FHIT: variants seen among roughly 807,000 people sequenced by gnomAD.
FHIT encodes the protein bis(5'-adenosyl)-triphosphatase.
A neutral mutation model predicts 17.9 loss-of-function variants in FHIT; 19 were observed. The observed-to-expected ratio is 1.06, with a 90% CI of 0.74 to 1.56. The LOEUF is 1.56. Among genes scored for constraint, FHIT ranks in the 40% most tolerant of loss-of-function variants. The pLI is 0.00. For missense variants in FHIT, 248 were observed against 189.2 expected (o/e 1.31, Z -1.82); for synonymous variants, 81 against 69.7 (o/e 1.16, Z -0.81).
intron 5 of FHIT, among the ~76,000 whole-genome samples, chr3:60,482,331 C>A (rs1167168507): frequency 6.6e-6 from 1 of 152,104 alleles, no homozygotes; most frequent in Non-Finnish European, 1.5e-5. Flanking sequence ...ATCAAGCGGA[C>A]CTAATAGACA....
At chr3:60,700,366 G>A (rs1031145519) in intron 4 of FHIT, among the ~76,000 whole-genome samples, 2 of 152,008 alleles carry the variant, frequency 1.3e-5, no homozygotes, top group East Asian at 1.9e-4. Flanking sequence ...GTCTCATATC[G>A]TTCCAATTAG....
At chr3:60,971,561 A>C (rs1460191013) in intron 3 of FHIT, among the ~76,000 whole-genome samples, 2 of 152,004 alleles carry the variant, frequency 1.3e-5, no homozygotes, top group African/African-American at 4.8e-5. Context: ...GCATTGGAGA[A>C]AGGGGCTTGT....
At chr3:60,803,277 G>A (rs915347359) in intron 4 of FHIT, among the ~76,000 whole-genome samples, 4 of 152,186 alleles carry the variant, frequency 2.6e-5, no homozygotes, top group African/African-American at 4.8e-5. Flanking sequence ...TGAGTTGTGT[G>A]TGCAACATGC....
intron 4 of FHIT, among the ~76,000 whole-genome samples, chr3:60,623,718 A>G (rs960992573): frequency 1.3e-5 from 2 of 152,164 alleles, no homozygotes; most frequent in Non-Finnish European, 2.9e-5. Flanking sequence ...TTAGAAATGG[A>G]CTGTCATGGT....
chr3:60,195,337 A>G (rs1702578145), intron 5 of FHIT, among the ~76,000 whole-genome samples: 1 of 151,878 alleles, frequency 6.6e-6, no homozygotes, highest in Admixed American at 6.6e-5. Flanking sequence ...ACCTTTATGG[A>G]AAATAATATC....
chr3:61,116,130 C>T (rs930650778), intron 2 of FHIT, among the ~76,000 whole-genome samples: 1 of 151,866 alleles, frequency 6.6e-6, no homozygotes, highest in African/African-American at 2.4e-5. Flanking sequence ...ATTTCTCAGA[C>T]ATTTCCAGTT....
chr3:60,574,059 C>T (rs1276499099), intron 4 of FHIT, among the ~76,000 whole-genome samples: 4 of 152,126 alleles, frequency 2.6e-5, no homozygotes, highest in African/African-American at 7.2e-5. Flanking sequence ...ATCCACCCGC[C>T]TCAGCCTCCC....
intron 5 of FHIT, among the ~76,000 whole-genome samples, chr3:60,437,188 C>T (rs2030347211): frequency 6.6e-6 from 1 of 152,010 alleles, no homozygotes. Flanking sequence ...TGTTCTTGAT[C>T]AATAGTTGGC....
At chr3:60,208,105 G>A (rs1268831581) in intron 5 of FHIT, among the ~76,000 whole-genome samples, 1 of 152,022 alleles carries the variant, frequency 6.6e-6, no homozygotes, top group Non-Finnish European at 1.5e-5. Flanking sequence ...TCTACTATTG[G>A]GATACATTTA....
chr3:60,943,431 T>A (rs575875708), intron 3 of FHIT, among the ~76,000 whole-genome samples: 1 of 152,274 alleles, frequency 6.6e-6, no homozygotes, highest in South Asian at 2.1e-4. Context: ...CAGCTTTCAT[T>A]TGAATGATAT....
intron 5 of FHIT, among the ~76,000 whole-genome samples, chr3:60,057,525 G>A (rs1019738777): frequency 1.1e-4 from 16 of 152,136 alleles, no homozygotes; most frequent in African/African-American, 3.9e-4. Flanking sequence ...TAAGCTAAGT[G>A]AAATAAGCCA....
intron 8 of FHIT, among the ~76,000 whole-genome samples, chr3:59,917,622 G>A (rs956289331): frequency 2.0e-5 from 3 of 152,196 alleles, no homozygotes; most frequent in Admixed American, 1.3e-4. Flanking sequence ...GAGTTTGGGA[G>A]CTACAGATAA....
chr3:60,898,194 A>G (rs1225010721), intron 3 of FHIT, among the ~76,000 whole-genome samples: 1 of 152,164 alleles, frequency 6.6e-6, no homozygotes, highest in Non-Finnish European at 1.5e-5. Context: ...CCATGTTACT[A>G]AGTTGTCTGC....
chr3:61,006,673 A>G (rs1367926762), intron 3 of FHIT, among the ~76,000 whole-genome samples: 3 of 151,746 alleles, frequency 2.0e-5, no homozygotes, highest in African/African-American at 2.4e-5. Context: ...TAAAATATAC[A>G]TAACACATTT....
intron 5 of FHIT, among the ~76,000 whole-genome samples, chr3:60,406,193 C>T (rs1447468067): frequency 1.3e-5 from 2 of 152,164 alleles, no homozygotes; most frequent in Non-Finnish European, 2.9e-5. Flanking sequence ...CATATGCTTG[C>T]TTATTAAATG....
chr3:60,678,189 CA>C (rs1170518293), intron 4 of FHIT, among the ~76,000 whole-genome samples: 1 of 151,986 alleles, frequency 6.6e-6, no homozygotes, highest in Non-Finnish European at 1.5e-5. Flanking sequence ...TTATATCATT[CA>C]AACAGATAGA....
intron 2 of FHIT, among the ~76,000 whole-genome samples, chr3:61,124,656 C>T (rs574075366): frequency 3.6e-4 from 55 of 152,178 alleles, no homozygotes; most frequent in African/African-American, 1.2e-3. Context: ...AATACTCTTT[C>T]GCGATATATA....
chr3:60,896,420 A>C (rs1202447851), intron 3 of FHIT, among the ~76,000 whole-genome samples: 1 of 152,146 alleles, frequency 6.6e-6, no homozygotes, highest in Non-Finnish European at 1.5e-5. Flanking sequence ...ATCTCCATCC[A>C]ATAGCTCAGG....
chr3:61,180,470 ATAGT>A (rs1339372646), intron 2 of FHIT, among the ~76,000 whole-genome samples: 2 of 152,216 alleles, frequency 1.3e-5, no homozygotes, highest in African/African-American at 4.8e-5. Context: ...AAATTCAATA[ATAGT>A]TAGGTTAGAC....
Sources: gnomAD v4.1 joint callset for allele counts (sites outside exome capture counted in the v4.1 genomes callset) on GRCh38, gnomAD v4.1.1 for gene constraint, MANE v1.5 for transcripts, NCBI Gene and HGNC (gene_info 2026-07-23, HGNC 2026-07-21) for gene names.